RSPO2: variants seen among roughly 807,000 people sequenced by gnomAD.
RSPO2 encodes the protein R-spondin-2.
Under a neutral mutation model 30.9 loss-of-function variants are expected in RSPO2, and 14 were observed. That is an observed-to-expected ratio of 0.45 (90% CI 0.30 to 0.71). The LOEUF (loss-of-function observed/expected upper bound fraction) is 0.71. Ranked by LOEUF, RSPO2 falls within the 30% of genes least tolerant of loss-of-function variation. The probability of loss-of-function intolerance (pLI) is 0.08; values close to 1 mark genes in which losing one functional copy is unlikely to be tolerated. For synonymous variants in RSPO2, 107 were observed against 96.4 expected (o/e 1.11, Z -0.64); for missense variants, 264 against 301.9 (o/e 0.87, Z 0.93).
chr8:107,937,922 TAC>T (rs1305666638), intron 5 of RSPO2, among the ~76,000 whole-genome samples: 6 of 152,158 alleles, frequency 3.9e-5, no homozygotes, highest in African/African-American at 9.6e-5. Context: ...TTTGCTCATA[TAC>T]ACACACTGAA....
chr8:107,912,459 C>T (rs1296318250), intron 5 of RSPO2, among the ~76,000 whole-genome samples: 2 of 152,148 alleles, frequency 1.3e-5, no homozygotes, highest in Non-Finnish European at 2.9e-5. Flanking sequence ...GAGGCACACC[C>T]ATGGGTACAC....
In RSPO2 at chr8:108,009,447, T is replaced by C. The variant is rs559026680; in HGVS notation, c.95-20203A>G. 3.3e-5 allele frequency among the ~76,000 whole-genome samples: 5 copies of C among 152,260 alleles called. No individual in the cohort carries two copies. In the East Asian group the frequency reaches 5.8e-4, roughly 18 times the overall value. ...AAGAACCACTGATTATGCACAGCAG[T>C]GTTAGTTAATATATAGACAAGGCTC... On this transcript the variant is annotated intron_variant, in intron 2 of 5. Coordinates refer to ENST00000276659, the MANE Select transcript of RSPO2 (RefSeq NM_178565.5).
chr8:108,054,649 G>C (rs925580115), intron 2 of RSPO2, among the ~76,000 whole-genome samples: 2 of 152,204 alleles, frequency 1.3e-5, no homozygotes, highest in African/African-American at 4.8e-5. Flanking sequence ...TAAGAAATAA[G>C]CAGTGGATAC....
At chr8:108,069,128 G>A (rs981729308) in intron 2 of RSPO2, among the ~76,000 whole-genome samples, 1 of 152,110 alleles carries the variant, frequency 6.6e-6, no homozygotes, top group African/African-American at 2.4e-5. Flanking sequence ...TAACCTCAGA[G>A]TAAGTCAAAA....
chr8:108,066,773 T>C lies in RSPO2; in HGVS notation c.94+15772A>G, dbSNP rs115418814. On this transcript the variant is annotated intron_variant, in intron 2 of 5. Transcript: ENST00000276659. ...ATGTGGTAAGAATTAGAAAAAAAAATCACTATTTTGCAACCCCTAATGAAA... is the reference window on the plus strand; with the variant it reads ...ATGTGGTAAGAATTAGAAAAAAAAACCACTATTTTGCAACCCCTAATGAAA... Among the ~76,000 whole-genome samples, 896 of 151,988 alleles carry C rather than the reference T, an allele frequency of 5.9e-3. 13 individuals are homozygous for C. The highest frequency in any genetic ancestry group is 0.021 in the African/African-American group (863 of 41,450).
At chr8:108,038,829 G>C (rs61635961) in intron 2 of RSPO2, among the ~76,000 whole-genome samples, 13,945 of 152,002 alleles carry the variant, frequency 0.092, 1,183 homozygotes, top group African/African-American at 0.22. Context: ...AAGGCTATTG[G>C]CTACTTAATA....
chr8:107,932,825 C>A (rs1191462031), intron 5 of RSPO2, among the ~76,000 whole-genome samples: 20 of 152,062 alleles, frequency 1.3e-4, no homozygotes, highest in Admixed American at 1.3e-3. Context: ...AGCAAGGTAA[C>A]CGATCATTAA....
At chr8:107,983,190 C>T in intron 3 of RSPO2, 1 of 1,559,912 alleles carries the variant, frequency 6.4e-7, no homozygotes, top group Non-Finnish European at 8.7e-7. Context: ...TAGCTGTAGG[C>T]AAATACGAAG....
At chr8:107,990,249 A>G (rs1023893283) in intron 2 of RSPO2, among the ~76,000 whole-genome samples, 1 of 152,230 alleles carries the variant, frequency 6.6e-6, no homozygotes, top group African/African-American at 2.4e-5. Flanking sequence ...CTAAGCATGT[A>G]AGAAAAAAAC....
At chr8:107,917,658 G>C (rs1001126131) in intron 5 of RSPO2, among the ~76,000 whole-genome samples, 6 of 152,040 alleles carry the variant, frequency 3.9e-5, no homozygotes, top group African/African-American at 1.4e-4. Flanking sequence ...TGGCTTATTT[G>C]GTATGAAAGT....
chr8:108,037,743 C>T (rs2130649664), intron 2 of RSPO2, among the ~76,000 whole-genome samples: 1 of 152,226 alleles, frequency 6.6e-6, no homozygotes, highest in African/African-American at 2.4e-5. Flanking sequence ...CCTTGAAAAT[C>T]TTATGGCCCT....
chr8:108,031,779 T>C (rs1348037042), intron 2 of RSPO2, among the ~76,000 whole-genome samples: 1 of 152,170 alleles, frequency 6.6e-6, no homozygotes, highest in Non-Finnish European at 1.5e-5. Flanking sequence ...TGCATCAATC[T>C]GCAGAGGTTA....
At chr8:107,922,526 AG>A (rs946679807) in intron 5 of RSPO2, among the ~76,000 whole-genome samples, 3 of 152,216 alleles carry the variant, frequency 2.0e-5, no homozygotes, top group Middle Eastern at 3.2e-3. Context: ...TGTCCAAATC[AG>A]TTTATAGATT....
intron 5 of RSPO2, among the ~76,000 whole-genome samples, chr8:107,953,337 C>T (rs1345979867): frequency 6.6e-6 from 1 of 152,110 alleles, no homozygotes; most frequent in Non-Finnish European, 1.5e-5. Flanking sequence ...CACATTTCCC[C>T]CCACTACCAA....
chr8:107,952,990 G>A (rs543851500), intron 5 of RSPO2, among the ~76,000 whole-genome samples: 98 of 152,300 alleles, frequency 6.4e-4, no homozygotes, highest in African/African-American at 2.3e-3. Context: ...CTAAGAAAAT[G>A]TGACTGGAGT....
At chr8:108,032,265 T>C (rs536367816) in intron 2 of RSPO2, among the ~76,000 whole-genome samples, 6 of 152,330 alleles carry the variant, frequency 3.9e-5, no homozygotes, top group African/African-American at 1.4e-4. Flanking sequence ...CAAATCACTA[T>C]ACATAAACAT....
chr8:108,061,200 TA>T (rs1812450875), intron 2 of RSPO2, among the ~76,000 whole-genome samples: 1 of 151,834 alleles, frequency 6.6e-6, no homozygotes. Context: ...ACCTTAAATG[TA>T]AATGGGCTAT....
intron 5 of RSPO2, among the ~76,000 whole-genome samples, chr8:107,928,365 ATTC>A (rs1207962211): frequency 5.9e-5 from 9 of 152,220 alleles, no homozygotes; most frequent in Admixed American, 4.6e-4. Context: ...CATACTGCCT[ATTC>A]TTCTTTTGAA....
intron 3 of RSPO2, among the ~76,000 whole-genome samples, chr8:107,982,690 A>T (rs183043678): frequency 8.5e-5 from 13 of 152,274 alleles, no homozygotes; most frequent in Non-Finnish European, 1.8e-4. Context: ...AGCAATCAGA[A>T]TAGCGACCCA....
Sources: gnomAD v4.1 joint callset for allele counts (sites outside exome capture counted in the v4.1 genomes callset) on GRCh38, gnomAD v4.1.1 for gene constraint, MANE v1.5 for transcripts, NCBI Gene and HGNC (gene_info 2026-07-23, HGNC 2026-07-21) for gene names.